The following FBXL2 variants were observed in gnomAD, a reference collection of about 807,000 sequenced individuals.
The protein encoded by FBXL2 is F-box/LRR-repeat protein 2.
Under a neutral mutation model 69.2 loss-of-function variants are expected in FBXL2, and 38 were observed. The ratio of observed to expected loss-of-function variants is 0.55; its 90% CI spans 0.42 to 0.72. The LOEUF (loss-of-function observed/expected upper bound fraction) is 0.72. Among genes scored for constraint, FBXL2 ranks in the 30% least tolerant of loss-of-function variants. The probability of loss-of-function intolerance (pLI) is 0.00; values close to 1 mark genes in which losing one functional copy is unlikely to be tolerated. For synonymous variants in FBXL2, 192 were observed against 201.3 expected, an observed-to-expected ratio of 0.95 and a Z score of 0.39; for missense variants, 354 against 520.3, an observed-to-expected ratio of 0.68 and a Z score of 3.11.
chr3:33,332,297 C>T (rs2039227221), intron 2 of FBXL2, among the ~76,000 whole-genome samples: 1 of 152,134 alleles, frequency 6.6e-6, no homozygotes, highest in South Asian at 2.1e-4. Context: ...CTTTACTTTG[C>T]TAAATTATTC....
At chr3:33,284,349 G>A (rs2034370948) in intron 1 of FBXL2, among the ~76,000 whole-genome samples, 1 of 152,102 alleles carries the variant, frequency 6.6e-6, no homozygotes, top group Admixed American at 6.6e-5. Flanking sequence ...TTTCCATGTA[G>A]AGCACTTTTG....
chr3:33,280,668 A>G (rs557427798), intron 1 of FBXL2, among the ~76,000 whole-genome samples: 1 of 148,590 alleles, frequency 6.7e-6, no homozygotes, highest in African/African-American at 2.5e-5. Context: ...AATTGTGTTC[A>G]CACCACTGCC....
intron 4 of FBXL2, among the ~76,000 whole-genome samples, chr3:33,359,814 G>A (rs1242128834): frequency 2.6e-5 from 4 of 151,888 alleles, no homozygotes; most frequent in Non-Finnish European, 5.9e-5. Context: ...TCAGTATTCT[G>A]TTTTATTATC....
chr3:33,351,271 AT>A (rs751921205), intron 2 of FBXL2, among the ~76,000 whole-genome samples: 8 of 152,208 alleles, frequency 5.3e-5, no homozygotes, highest in Non-Finnish European at 1.2e-4. Flanking sequence ...TCTCAAAAAA[AT>A]AAAATAAATA....
chr3:33,321,464 A>G (rs1434742744), intron 2 of FBXL2, among the ~76,000 whole-genome samples: 1 of 152,262 alleles, frequency 6.6e-6, no homozygotes, highest in Non-Finnish European at 1.5e-5. Context: ...CAAAATAAAG[A>G]TTACAAGTGA....
intron 2 of FBXL2, among the ~76,000 whole-genome samples, chr3:33,332,842 G>A (rs950435271): frequency 5.3e-5 from 8 of 152,206 alleles, no homozygotes; most frequent in Non-Finnish European, 1.5e-5. Context: ...CATATATGTG[G>A]TTGATCGTTG....
rs188186840 is a variant in FBXL2 at position 33,366,970 on chromosome 3, T to A, written c.290+2251T>A. ...AATAAATTAAATAAAAAAACAATTT[T>A]AAAAAATTCTGGGAGTGTTTATGTA... On this transcript the variant is annotated intron_variant, in intron 5 of 14. Transcript: ENST00000484457. Among the ~76,000 whole-genome samples, 77 of 152,292 alleles carry A rather than the reference T, an allele frequency of 5.1e-4. 2 individuals are homozygous for A. The East Asian group carries it at 0.011, about 22-fold the overall frequency.
chr3:33,280,890 T>C (rs1156329162), intron 1 of FBXL2, among the ~76,000 whole-genome samples: 2 of 152,132 alleles, frequency 1.3e-5, no homozygotes, highest in African/African-American at 2.4e-5. Context: ...TTTTATCATA[T>C]AATTTTCCAG....
intron 5 of FBXL2, among the ~76,000 whole-genome samples, chr3:33,367,528 A>G (rs943625874): frequency 7.9e-5 from 12 of 151,230 alleles, no homozygotes; most frequent in East Asian, 1.9e-4. Flanking sequence ...TCTTATTTTA[A>G]TATCTGTAAA....
chr3:33,293,584 G>C (rs1185864189), intron 1 of FBXL2, among the ~76,000 whole-genome samples: 1 of 152,040 alleles, frequency 6.6e-6, no homozygotes, highest in Non-Finnish European at 1.5e-5. Flanking sequence ...GAAGATGGGG[G>C]AATCACTGCT....
intron 2 of FBXL2, among the ~76,000 whole-genome samples, chr3:33,342,708 C>CTTTTTTTTT (rs1559572672): frequency 1.3e-5 from 1 of 74,282 alleles, no homozygotes; most frequent in Non-Finnish European, 2.5e-5. Flanking sequence ...ACAAATATAA[C>CTTTTTTTTT]TTCTTTTTTT....
downstream of FBXL2, chr3:33,390,561 T>G: frequency 1.6e-6 from 1 of 621,794 alleles, no homozygotes; most frequent in Non-Finnish European, 2.9e-6. Context: ...CATTCCCTTT[T>G]TAGACATTCT....
At chr3:33,309,010 A>G (rs905649948) in intron 2 of FBXL2, among the ~76,000 whole-genome samples, 1 of 152,156 alleles carries the variant, frequency 6.6e-6, no homozygotes, top group African/African-American at 2.4e-5. Flanking sequence ...TCTATCCTGG[A>G]GAATGTTCTG....
chr3:33,390,456 C>T, downstream of FBXL2: 2 of 1,385,232 alleles, frequency 1.4e-6, no homozygotes, highest in African/African-American at 1.4e-5. Context: ...ACTACAACCT[C>T]CCTTCCCAAT....
rs551853863 is a variant in FBXL2, at chr3:33,299,352, T to C, written c.65+1627T>C. On this transcript the variant is annotated intron_variant, in intron 2 of 14. Transcript: ENST00000484457. ...CCACTGCGCCCGGCCGGAATCCTTT[T>C]AATATTCCACAGAAAATTTGGGGGA... is the stretch of plus-strand genomic sequence containing the variant. 5.9e-5 allele frequency among the ~76,000 whole-genome samples: 9 copies of C among 152,318 alleles called. No homozygotes were observed. The South Asian group carries it at 1.9e-3, about 32-fold the overall frequency.
intron 4 of FBXL2, among the ~76,000 whole-genome samples, chr3:33,360,918 CTTTTTTTTTTTTTTTTTT>C (rs58912118): frequency 1.4e-4 from 8 of 57,130 alleles, no homozygotes; most frequent in Admixed American, 1.1e-3. Flanking sequence ...ACATGAAGAA[CTTTTTTTTTTTTTTTTTT>C]TTTTTTTTTT....
At chr3:33,402,850 C>T in intron 12 of FBXL2, 1 of 1,609,060 alleles carries the variant, frequency 6.2e-7, no homozygotes, top group Non-Finnish European at 8.5e-7. Flanking sequence ...AAAGTGGGCG[C>T]TGGGGAAGGG....
chr3:33,396,768 T>G (rs1347623922), intron 12 of FBXL2: 1 of 608,326 alleles, frequency 1.6e-6, no homozygotes, highest in Admixed American at 2.1e-5. Flanking sequence ...TTTGTTTTCT[T>G]GGCAACAAAC....
Position 33,387,590 on chromosome 3 carries a change from C to G in FBXL2, c.*1982C>G, listed in dbSNP as rs2043529861. On this transcript the variant is annotated 3_prime_UTR_variant, in exon 15 of 15. Transcript: ENST00000484457. ...GCACTCCATCCAGCCCAGGAGACAACAGTGAGACTCCATCATCATCTCAAA... is the reference window on the plus strand; with the variant it reads ...GCACTCCATCCAGCCCAGGAGACAAGAGTGAGACTCCATCATCATCTCAAA... The G allele has an allele frequency of 6.6e-6, 1 of 151,088 alleles. No homozygotes were observed. Among genetic ancestry groups the G allele is most frequent in the Non-Finnish European group, 1.5e-5 (1 of 68,024 alleles). The allele number at this position is 151,088 out of a possible 1,614,324, so 9.4% of individuals were successfully genotyped here.
Sources: allele counts gnomAD v4.1 joint callset (sites outside exome capture counted in the v4.1 genomes callset), GRCh38; gene constraint gnomAD v4.1.1; transcripts MANE v1.5; gene names NCBI Gene and HGNC (gene_info 2026-07-23, HGNC 2026-07-21).